AK9: variants seen among roughly 807,000 people sequenced by gnomAD.
AK9 encodes the protein adenylate kinase 9.
Under a neutral mutation model 239.6 loss-of-function variants are expected in AK9, and 191 were observed. The ratio of observed to expected loss-of-function variants is 0.80; its 90% CI spans 0.71 to 0.90. The LOEUF (loss-of-function observed/expected upper bound fraction) is 0.90, where lower values mean the gene tolerates loss of function less well. AK9 is among the 40% of genes least tolerant of loss of function. AK9 has a pLI of 0.00. For missense variants in AK9, 1,995 were observed against 2,214.7 expected, an observed-to-expected ratio of 0.90 and a Z score of 1.99; for synonymous variants, 689 against 721.0, an observed-to-expected ratio of 0.96 and a Z score of 0.71.
chr6:109,569,121 T>A (rs1787014807), intron 21 of AK9, among the ~76,000 whole-genome samples: 1 of 152,070 alleles, frequency 6.6e-6, no homozygotes, highest in Non-Finnish European at 1.5e-5. Flanking sequence ...CTGGAAATAA[T>A]ACCACACATC....
intron 7 of AK9, among the ~76,000 whole-genome samples, chr6:109,658,440 A>G (rs553396771): frequency 6.6e-6 from 1 of 152,214 alleles, no homozygotes; most frequent in African/African-American, 2.4e-5. Flanking sequence ...GAAAGTGATT[A>G]AGTGCTATAA....
At chr6:109,641,020 CTTGTG>C (rs927891114) in intron 10 of AK9, among the ~76,000 whole-genome samples, 2 of 151,752 alleles carry the variant, frequency 1.3e-5, no homozygotes, top group Non-Finnish European at 2.9e-5. Context: ...TGTTTCAAAA[CTTGTG>C]TTGTGTCTAA....
chr6:109,649,588 C>T lies in AK9; in HGVS notation c.760-4900G>A, dbSNP rs201971434. On this transcript the variant is annotated intron_variant, in intron 8 of 40. Coordinates refer to ENST00000424296, the MANE Select transcript of AK9 (RefSeq NM_001145128.3). ...CACTGCTCAATGAAATAAAAGAGGA[C>T]ACAAACAAATGGAAGAACATTCCAT... Among the ~76,000 whole-genome samples the T allele has an allele frequency of 1.5e-3, 234 of 152,146 alleles. 7 individuals carry two copies. The East Asian group carries it at 0.036, about 23-fold the overall frequency.
intron 12 of AK9, among the ~76,000 whole-genome samples, chr6:109,631,118 T>C (rs1796051147): frequency 6.6e-6 from 1 of 152,118 alleles, no homozygotes; most frequent in Non-Finnish European, 1.5e-5. Context: ...AATATCCTCA[T>C]GATGTTTGGG....
At chr6:109,621,986 T>C (rs1258151391) in intron 12 of AK9, among the ~76,000 whole-genome samples, 2 of 140,916 alleles carry the variant, frequency 1.4e-5, no homozygotes, top group South Asian at 4.4e-4. Context: ...GTCAAAGATA[T>C]GTTCATAATT....
chr6:109,625,558 T>C (rs1238637511), intron 12 of AK9, among the ~76,000 whole-genome samples: 1 of 152,188 alleles, frequency 6.6e-6, no homozygotes, highest in Non-Finnish European at 1.5e-5. Flanking sequence ...TAGATTCTCA[T>C]AGGAGCACGA....
rs188127742 is a variant in AK9 at position 109,683,206 on chromosome 6, C to T, written c.-11-7450G>A. Among the ~76,000 whole-genome samples, 15 of 152,176 alleles carry T rather than the reference C, an allele frequency of 9.9e-5. No individual in the cohort carries two copies. In the East Asian group the frequency reaches 2.1e-3, roughly 22 times the overall value. On this transcript the variant is annotated intron_variant, in intron 1 of 40. Coordinates refer to ENST00000424296, the MANE Select transcript of AK9 (RefSeq NM_001145128.3). ...TCAACAAAATTCAACACCTCATTCACGCTAAAAACTCTCAATAAACTAGGT... is the reference window on the plus strand; with the variant it reads ...TCAACAAAATTCAACACCTCATTCATGCTAAAAACTCTCAATAAACTAGGT...
At chr6:109,682,354 G>T (rs1772787704) in intron 1 of AK9, among the ~76,000 whole-genome samples, 1 of 149,144 alleles carries the variant, frequency 6.7e-6, no homozygotes, top group Non-Finnish European at 1.5e-5. Context: ...GTGAACCCGG[G>T]AGGCGGAGCT....
intron 17 of AK9, among the ~76,000 whole-genome samples, chr6:109,605,550 A>G (rs1053512805): frequency 3.9e-5 from 6 of 152,078 alleles, no homozygotes; most frequent in African/African-American, 1.4e-4. Context: ...ATTTCAATTT[A>G]TCCCACATGA....
chr6:109,678,628 T>C (rs1772109651), intron 1 of AK9, among the ~76,000 whole-genome samples: 1 of 152,056 alleles, frequency 6.6e-6, no homozygotes, highest in African/African-American at 2.4e-5. Flanking sequence ...TATTAACTAG[T>C]TGCCGCCCCC....
In AK9 at chr6:109,656,883, G is replaced by T. The variant is rs557974240; in HGVS notation, c.632C>A (p.Ala211Glu). 4 of 1,612,054 alleles carry T rather than the reference G, an allele frequency of 2.5e-6. No homozygotes were observed. The African/African-American group carries it at 5.3e-5, about 22-fold the overall frequency. The change falls in exon 8 of 41, where the codon GCA becomes GAA. Residue 211 changes from alanine (A) to glutamate (E), a missense_variant and splice_region_variant. Coordinates refer to ENST00000424296, the MANE Select transcript of AK9 (RefSeq NM_001145128.3). Reference sequence around the variant, plus strand: ...CACCATCTGCATTTCGGCAATAAATGCCTAAATGGAAAAGAAGAGATTTCA... The same window carrying T: ...CACCATCTGCATTTCGGCAATAAATTCCTAAATGGAAAAGAAGAGATTTCA... The part of the protein sequence containing the change: ...EEEEEQEEEE[A>E]FIAEMQMVAE...
At chr6:109,571,273 G>A (rs2128193855) in intron 21 of AK9, among the ~76,000 whole-genome samples, 1 of 152,212 alleles carries the variant, frequency 6.6e-6, no homozygotes, top group East Asian at 1.9e-4. Context: ...CTGTTCTAGT[G>A]GACTGGACAA....
intron 27 of AK9, among the ~76,000 whole-genome samples, chr6:109,541,414 A>C (rs1004015856): frequency 6.6e-6 from 1 of 152,052 alleles, no homozygotes; most frequent in Non-Finnish European, 1.5e-5. Flanking sequence ...CATTATAATA[A>C]TTTTTTTGTT....
At chr6:109,581,094 T>C (rs1788800720) in intron 19 of AK9, among the ~76,000 whole-genome samples, 1 of 152,046 alleles carries the variant, frequency 6.6e-6, no homozygotes, top group South Asian at 2.1e-4. Context: ...TGAACTTAAT[T>C]GATAGATGCT....
At chr6:109,555,490 G>A (rs1784890773) in intron 24 of AK9, among the ~76,000 whole-genome samples, 4 of 152,212 alleles carry the variant, frequency 2.6e-5, no homozygotes, top group Admixed American at 2.0e-4. Context: ...ATATTCTATT[G>A]ATTTGGGGTA....
intron 13 of AK9, 44 bp from the exon 14 acceptor site, chr6:109,614,524 A>G (rs1207609488): frequency 1.6e-5 from 24 of 1,490,226 alleles, no homozygotes; most frequent in African/African-American, 2.8e-5. Context: ...GTAGTTGGGG[A>G]TAGAAAAACA....
intron 17 of AK9, among the ~76,000 whole-genome samples, chr6:109,598,287 T>C (rs892743497): frequency 1.3e-5 from 2 of 148,694 alleles, no homozygotes; most frequent in South Asian, 4.2e-4. Context: ...TGTGTTCTCA[T>C]TGTTCAATTC....
At chr6:109,614,604 T>C (rs1331875668) in intron 13 of AK9, 124 bp from the exon 14 acceptor site, 2 of 732,254 alleles carry the variant, frequency 2.7e-6, no homozygotes, top group Admixed American at 2.4e-5. Context: ...TTATAAGCTG[T>C]AAGGGCTGTG....
Position 109,493,279 on chromosome 6 carries a change from A to G in AK9, c.*90T>C, listed in dbSNP as rs1164040181. ...TGCTCAGGAGGCAAAAGTACTTCCAAGAGGCCCAGATTTTCAATCTACTTC... is the reference window on the plus strand; with the variant it reads ...TGCTCAGGAGGCAAAAGTACTTCCAGGAGGCCCAGATTTTCAATCTACTTC... On this transcript the variant is annotated 3_prime_UTR_variant, in exon 41 of 41. Coordinates refer to ENST00000424296, the MANE Select transcript of AK9 (RefSeq NM_001145128.3). 4 of 1,380,300 alleles carry G rather than the reference A, an allele frequency of 2.9e-6. No homozygotes were observed. Among genetic ancestry groups the G allele is most frequent in the African/African-American group, 1.4e-5 (1 of 69,178 alleles). The allele number at this position is 1,380,300 out of a possible 1,614,324, so 85.5% of individuals were successfully genotyped here.
Sources: gnomAD v4.1 joint callset for allele counts (sites outside exome capture counted in the v4.1 genomes callset) on GRCh38, gnomAD v4.1.1 for gene constraint, MANE v1.5 for transcripts, NCBI Gene and HGNC (gene_info 2026-07-23, HGNC 2026-07-21) for gene names.